Variants in MAFK observed in about 807,000 individuals in gnomAD.
MAFK encodes the protein transcription factor MafK.
A neutral mutation model predicts 9.2 loss-of-function variants in MAFK; 1 was observed. The observed-to-expected ratio is 0.11, with a 90% CI of 0.04 to 0.52. The LOEUF is 0.52. Ranked by LOEUF, MAFK falls within the 20% of genes least tolerant of loss-of-function variation. The probability of loss-of-function intolerance (pLI) is 0.94; values close to 1 mark genes in which losing one functional copy is unlikely to be tolerated. For synonymous variants in MAFK, 110 were observed against 107.4 expected (o/e 1.02, Z -0.15); for missense variants, 207 against 236.0 (o/e 0.88, Z 0.81).
At position 1,539,251 on chromosome 7, in the gene MAFK, C is replaced by G. The variant is rs372664001; in HGVS notation, c.36+23C>G. The G allele has an allele frequency of 7.5e-6, 12 of 1,600,434 alleles. No individual in the cohort carries two copies. In the South Asian group the frequency reaches 1.1e-4, roughly 15 times the overall value. On this transcript the variant is annotated intron_variant, in intron 2 of 2. Coordinates refer to ENST00000343242, the MANE Select transcript of MAFK (RefSeq NM_002360.4). ...AAGGTAAGGCTGGTTCCAAGCAGGC[C>G]CCGTCTCAAGCACAGGCGTGGGAAA...
Position 1,532,429 on chromosome 7 carries a change from G to C in MAFK, c.-45+1531G>C, listed in dbSNP as rs1005248448. ...AGTTTGACCTTGGGAGAGGGAGTCT[G>C]CTTTTAAAACTAGACCTCTCATTAT... On this transcript the variant is annotated intron_variant, in intron 1 of 2. Coordinates refer to ENST00000343242, the MANE Select transcript of MAFK (RefSeq NM_002360.4). The surrounding 1 kb of genome is among the most constrained non-coding windows in gnomAD (Gnocchi z 4.5). Among the ~76,000 whole-genome samples the C allele has an allele frequency of 2.0e-5, 3 of 152,346 alleles. No homozygotes were observed. The highest frequency in any genetic ancestry group is 2.0e-4 in the Admixed American group (3 of 15,308).
At chr7:1,539,435 G>C (rs1406257057) in intron 2 of MAFK, among the ~76,000 whole-genome samples, 1 of 152,190 alleles carries the variant, frequency 6.6e-6, no homozygotes, top group Non-Finnish European at 1.5e-5. Flanking sequence ...ATGACTCCCA[G>C]GCTGAGGGCG....
intron 1 of MAFK, among the ~76,000 whole-genome samples, chr7:1,535,085 C>CTTTTTTTTTTTTTTTTTTTTTTTTTTTTT (rs59057812): frequency 8.9e-6 from 1 of 111,940 alleles, no homozygotes; most frequent in African/African-American, 3.6e-5. Context: ...ATTTAAAATT[C>CTTTTTTTTTTTTTTTTTTTTTTTTTTTTT]TTTTTTTTTT....
At chr7:1,539,857 G>T (rs1445930542) in intron 2 of MAFK, 84 bp from the exon 3 acceptor site, 4 of 1,229,280 alleles carry the variant, frequency 3.3e-6, no homozygotes, top group South Asian at 1.6e-5. Context: ...CAGGGGCACC[G>T]CTGGGTTCCT....
intron 1 of MAFK, chr7:1,537,637 G>A: frequency 1.0e-6 from 1 of 985,578 alleles, no homozygotes; most frequent in Non-Finnish European, 1.2e-6. Flanking sequence ...TCAGCGCCCT[G>A]AGATCAGCTG....
chr7:1,538,073 G>A, intron 1 of MAFK: 1 of 175,188 alleles, frequency 5.7e-6, no homozygotes, highest in Non-Finnish European at 1.1e-5. Context: ...GCCTCGTGAT[G>A]TCTGTGCAAC....
chr7:1,530,750 G>C lies in MAFK; in HGVS notation c.-193G>C, dbSNP rs1027246163. 6.7e-6 allele frequency: 1 copy of C among 149,564 alleles called. No individual in the cohort carries two copies. The highest frequency in any genetic ancestry group is 2.4e-5 in the African/African-American group (1 of 41,036). 9.3% of individuals were successfully genotyped at this position (149,564 alleles called of 1,614,324 possible). On this transcript the variant is annotated 5_prime_UTR_variant, in exon 1 of 3. Transcript: ENST00000343242. ...GGCGGGTGCGGTGGCGGCGGGCGGC[G>C]CGGGGGCACTTGTTGTTCTTCGCGA...
rs1451001938 is a variant in MAFK, at chr7:1,540,760, C to G, written c.*385C>G. The G allele has an allele frequency of 1.9e-5, 4 of 214,856 alleles. No individual in the cohort carries two copies. The highest frequency in any genetic ancestry group is 3.7e-5 in the Non-Finnish European group (4 of 109,118). The allele number at this position is 214,856 out of a possible 1,614,324, so 13.3% of individuals were successfully genotyped here. A position where few individuals can be genotyped will look rare whatever the true frequency, so the allele number is the denominator to read the frequency against. ...GTCAGGCCCCTGTGGTCAGGTCTAGCATGGGGCTTGTTTTCCACTCCTGCT... is the reference window on the plus strand; with the variant it reads ...GTCAGGCCCCTGTGGTCAGGTCTAGGATGGGGCTTGTTTTCCACTCCTGCT... On this transcript the variant is annotated 3_prime_UTR_variant, in exon 3 of 3. Transcript: ENST00000343242.
rs753620957 is a variant in MAFK, at chr7:1,540,379, C to T, written c.*4C>T. On this transcript the variant is annotated 3_prime_UTR_variant, in exon 3 of 3. Coordinates refer to ENST00000343242, the MANE Select transcript of MAFK (RefSeq NM_002360.4). ...GCCCTTCTCGGCTGCATCCTAGTGC[C>T]GGCCGGGGGCGGGGGGTGGCGGGCG... 3.7e-5 allele frequency: 41 copies of T among 1,121,170 alleles called. No individual in the cohort carries two copies. The highest frequency in any genetic ancestry group is 1.8e-4 in the Admixed American group (6 of 33,628). The allele number at this position is 1,121,170 out of a possible 1,614,324, so 69.5% of individuals were successfully genotyped here.
rs1784231470 is a variant in MAFK, at chr7:1,542,871, T to C, written c.*2496T>C. 6.6e-6 allele frequency: 1 copy of C among 152,654 alleles called. No homozygotes were observed. Among genetic ancestry groups the C allele is most frequent in the African/African-American group, 2.4e-5 (1 of 41,448 alleles). The allele number at this position is 152,654 out of a possible 1,614,324, so 9.5% of individuals were successfully genotyped here. On this transcript the variant is annotated 3_prime_UTR_variant, in exon 3 of 3. Coordinates refer to ENST00000343242, the MANE Select transcript of MAFK (RefSeq NM_002360.4). ...GGCAGTTCCATTTCATTATTTATTT[T>C]TTGTGCTGCTTTTTATCATGATATA...
intron 1 of MAFK, among the ~76,000 whole-genome samples, chr7:1,535,490 A>C (rs1403585075): frequency 6.6e-6 from 1 of 152,196 alleles, no homozygotes; most frequent in East Asian, 1.9e-4. Context: ...CCCTGTCTCT[A>C]CAAAAAAGTT....
Position 1,539,149 on chromosome 7 carries a change from C to G in MAFK, c.-44C>G, listed in dbSNP as rs781370421. ...TTCTCTGCTTGTCCATGTTTTCCAG[C>G]TACGAGTTCCAGGGAGCTCTGTCCT... On this transcript the variant is annotated splice_region_variant and 5_prime_UTR_variant, in exon 2 of 3. Coordinates refer to ENST00000343242, the MANE Select transcript of MAFK (RefSeq NM_002360.4). 2.5e-6 allele frequency: 4 copies of G among 1,612,036 alleles called. No individual in the cohort carries two copies. The highest frequency in any genetic ancestry group is 1.1e-5 in the South Asian group (1 of 90,976).
chr7:1,530,872 G>A lies in MAFK; in HGVS notation c.-71G>A, dbSNP rs1403280014. 6.9e-6 allele frequency: 1 copy of A among 145,868 alleles called. No homozygotes were observed. The highest frequency in any genetic ancestry group is 2.5e-5 in the African/African-American group (1 of 40,496). 9.0% of individuals were successfully genotyped at this position (145,868 alleles called of 1,614,324 possible). The stretch of plus-strand genomic sequence containing the variant: ...GCGCGTGCCCGCGAGGAGCCGCCGC[G>A]CGCCCGCGCCCTCCGCGCGACGCCA... On this transcript the variant is annotated 5_prime_UTR_variant, in exon 1 of 3. Coordinates refer to ENST00000343242, the MANE Select transcript of MAFK (RefSeq NM_002360.4).
chr7:1,537,924 G>A (rs1279605990), intron 1 of MAFK: 2 of 157,720 alleles, frequency 1.3e-5, no homozygotes, highest in Admixed American at 6.5e-5. Context: ...GTGCTGCTCT[G>A]ATGTTCCTGT....
chr7:1,538,216 A>G, intron 1 of MAFK: 1 of 966,428 alleles, frequency 1.0e-6, no homozygotes, highest in Non-Finnish European at 1.2e-6. Flanking sequence ...GTTTTTCATG[A>G]ATGATTAGAA....
Position 1,540,331 on chromosome 7 carries a change from A to C in MAFK, c.427A>C (p.Thr143Pro). 2.7e-6 allele frequency: 4 copies of C among 1,480,020 alleles called. No individual in the cohort carries two copies. In the South Asian group the frequency reaches 4.5e-5, roughly 17 times the overall value. 91.7% of individuals were successfully genotyped at this position (1,480,020 alleles called of 1,614,324 possible). The change falls in exon 3 of 3, where the codon ACC becomes CCC. Residue 143 changes from threonine to proline, a missense_variant. Thr to Pro is a conservative substitution (Grantham distance 38). Transcript: ENST00000343242. ...CAGCGTCATCACCATCGTCAAGTCC[A>C]CCGAGCTCTCCTCCACCTCCGTGCC... is the stretch of plus-strand genomic sequence containing the variant. ...TTSVITIVKS[T>P]ELSSTSVPFS...
At chr7:1,537,007 G>A (rs920405891) in intron 1 of MAFK, among the ~76,000 whole-genome samples, 1 of 152,238 alleles carries the variant, frequency 6.6e-6, no homozygotes, top group African/African-American at 2.4e-5. Flanking sequence ...AAGTACTGGG[G>A]TTGGAGCGGG....
chr7:1,533,107 G>A (rs1237028375), intron 1 of MAFK, among the ~76,000 whole-genome samples: 1 of 152,196 alleles, frequency 6.6e-6, no homozygotes. Flanking sequence ...AACTTGAGTG[G>A]CCACATGCCC....
chr7:1,534,209 A>C lies in MAFK; in HGVS notation c.-45+3311A>C. On this transcript the variant is annotated intron_variant, in intron 1 of 2. Coordinates refer to ENST00000343242, the MANE Select transcript of MAFK (RefSeq NM_002360.4). The surrounding 1 kb of genome is among the most constrained non-coding windows in gnomAD (Gnocchi z 4.3). Reference sequence around the variant, plus strand: ...GGGGCTGTGTCCGGGACAGCCGGACAGTGGGGGCCCTCGCAGTGTAGGACC... The same window carrying C: ...GGGGCTGTGTCCGGGACAGCCGGACCGTGGGGGCCCTCGCAGTGTAGGACC... 2 of 454,698 alleles carry C rather than the reference A, an allele frequency of 4.4e-6. No homozygotes were observed. The highest frequency in any genetic ancestry group is 3.1e-5 in the South Asian group (2 of 64,518). The allele number at this position is 454,698 out of a possible 1,614,324, so 28.2% of individuals were successfully genotyped here.
Sources: gnomAD v4.1 joint callset for allele counts (sites outside exome capture counted in the v4.1 genomes callset) on GRCh38, gnomAD v4.1.1 for gene constraint, Gnocchi (gnomAD v3.1) non-coding constraint, MANE v1.5 for transcripts, NCBI Gene and HGNC (gene_info 2026-07-23, HGNC 2026-07-21) for gene names.